STAM: variants seen among roughly 807,000 people sequenced by gnomAD.
The protein encoded by STAM is signal transducing adapter molecule 1.
STAM carries 16 observed loss-of-function variants against 63.4 expected under a neutral mutation model. That is an observed-to-expected ratio of 0.25 (90% CI 0.17 to 0.38). STAM has a LOEUF of 0.38. Ranked by LOEUF, STAM falls within the 10% of genes least tolerant of loss-of-function variation. The probability of loss-of-function intolerance (pLI) is 1.00; values close to 1 mark genes in which losing one functional copy is unlikely to be tolerated. For missense variants in STAM, 636 were observed against 657.1 expected, an observed-to-expected ratio of 0.97 and a Z score of 0.35; for synonymous variants, 238 against 223.9, an observed-to-expected ratio of 1.06 and a Z score of -0.56.
intron 1 of STAM, among the ~76,000 whole-genome samples, chr10:17,651,373 G>C (rs1353801515): frequency 6.6e-6 from 1 of 152,172 alleles, no homozygotes; most frequent in East Asian, 1.9e-4. Context: ...CAATGGATAC[G>C]TTTTAGCTCC....
intron 2 of STAM, 78 bp from the exon 3 acceptor site, chr10:17,684,597 C>T: frequency 8.9e-7 from 1 of 1,127,050 alleles, no homozygotes; most frequent in Non-Finnish European, 1.3e-6. Context: ...TTATCGTAGT[C>T]TTTTGTCTAT....
chr10:17,675,241 C>T lies in STAM; in HGVS notation c.126-9434C>T, dbSNP rs571221159. Among the ~76,000 whole-genome samples the T allele has an allele frequency of 6.2e-4, 95 of 152,270 alleles. 1 individual carries two copies. In the South Asian group the frequency reaches 6.4e-3, roughly 10 times the overall value. ...ATTTTTTGGCTGGGCACGTGGCTTA[C>T]GCCTGTAATTCCAGCCCTTTGGGAG... On this transcript the variant is annotated intron_variant, in intron 2 of 13. Coordinates refer to ENST00000377524, the MANE Select transcript of STAM (RefSeq NM_003473.4).
intron 2 of STAM, among the ~76,000 whole-genome samples, chr10:17,671,692 T>G (rs1834646332): frequency 6.6e-6 from 1 of 152,220 alleles, no homozygotes; most frequent in Non-Finnish European, 1.5e-5. Flanking sequence ...CATAGGTTAT[T>G]AGAGGTTAAC....
intron 2 of STAM, among the ~76,000 whole-genome samples, chr10:17,675,110 G>T (rs1033331750): frequency 2.0e-5 from 3 of 152,220 alleles, no homozygotes; most frequent in African/African-American, 7.2e-5. Context: ...AGGTAGTCAT[G>T]AAGATTTTCT....
At chr10:17,703,001 T>A in intron 9 of STAM, among the ~76,000 whole-genome samples, 1 of 89,114 alleles carries the variant, frequency 1.1e-5, no homozygotes, top group Non-Finnish European at 2.0e-5. Context: ...AGAGTAAGAC[T>A]CCATCTCAAA....
At chr10:17,706,000 C>T (rs377739589) in intron 12 of STAM, among the ~76,000 whole-genome samples, 5 of 151,842 alleles carry the variant, frequency 3.3e-5, no homozygotes, top group African/African-American at 9.7e-5. Flanking sequence ...CCCAGAAGGT[C>T]GAGGCTGCAG....
chr10:17,704,853 A>C (rs1836183709), intron 10 of STAM, 117 bp from the exon 11 acceptor site: 4 of 882,950 alleles, frequency 4.5e-6, no homozygotes, highest in Non-Finnish European at 6.9e-6. Flanking sequence ...TAAAGAATGT[A>C]TATTTTTATT....
intron 1 of STAM, among the ~76,000 whole-genome samples, chr10:17,655,960 C>G (rs1381652375): frequency 1.3e-5 from 2 of 151,758 alleles, no homozygotes; most frequent in Non-Finnish European, 2.9e-5. Flanking sequence ...TTCTTTTTCT[C>G]TTAAGTTGCT....
At position 17,708,868 on chromosome 10, in the gene STAM, G is replaced by A; in HGVS notation, c.1302G>A (p.Gln434=). The A allele has an allele frequency of 6.2e-7, 1 of 1,614,192 alleles. No individual in the cohort carries two copies. Among genetic ancestry groups the A allele is most frequent in the South Asian group, 1.1e-5 (1 of 91,084 alleles). ...HLQSYSLPPE[Q]LSSLSQAVVP... ...AGAGCTACAGTCTTCCCCCGGAGCAGCTGTCTTCTCTCAGCCAGGCAGTGG... is the reference window on the plus strand; with the variant it reads ...AGAGCTACAGTCTTCCCCCGGAGCAACTGTCTTCTCTCAGCCAGGCAGTGG... The change falls in exon 13 of 14, where the codon CAG becomes CAA. Residue 434 remains glutamine (Q), a synonymous_variant. Coordinates refer to ENST00000377524, the MANE Select transcript of STAM (RefSeq NM_003473.4).
At chr10:17,652,843 G>A (rs1195574992) in intron 1 of STAM, among the ~76,000 whole-genome samples, 1 of 152,142 alleles carries the variant, frequency 6.6e-6, no homozygotes, top group Admixed American at 6.5e-5. Flanking sequence ...AGCAGGCTCT[G>A]GGACTCCTCA....
In STAM at chr10:17,644,357, C is replaced by T. The variant is rs781927022; in HGVS notation, c.18C>T (p.Thr6=). The T allele has an allele frequency of 1.2e-6, 2 of 1,614,162 alleles. No homozygotes were observed. The highest frequency in any genetic ancestry group is 2.2e-5 in the South Asian group (2 of 91,078). The change falls in exon 1 of 14, where the codon ACC becomes ACT. Residue 6 remains threonine (T), a synonymous_variant. Coordinates refer to ENST00000377524, the MANE Select transcript of STAM (RefSeq NM_003473.4). ...CAGCGGAGATGCCTCTTTTTGCCAC[C>T]AATCCCTTCGATCAGGATGTTGGTA... The part of the protein sequence containing the change: MPLFA[T]NPFDQDVEKA...
rs887744951 is a variant in STAM, at chr10:17,684,376, C to T, written c.126-299C>T. On this transcript the variant is annotated intron_variant, in intron 2 of 13. Coordinates refer to ENST00000377524, the MANE Select transcript of STAM (RefSeq NM_003473.4). ...AGTGTAAGTCTGGTCTGTTTTTCCA[C>T]CCTGGCTGGAAGTGGAAGTCATGGC... 5.9e-5 allele frequency among the ~76,000 whole-genome samples: 9 copies of T among 152,074 alleles called. No homozygotes were observed. In the East Asian group the frequency reaches 9.7e-4, roughly 16 times the overall value.
At chr10:17,709,081 G>A in intron 13 of STAM, 130 bp downstream of exon 13, 1 of 1,075,826 alleles carries the variant, frequency 9.3e-7, no homozygotes, top group East Asian at 2.6e-5. Flanking sequence ...CCCCATTTGT[G>A]CTAATGAGTG....
In STAM at chr10:17,660,226, A is replaced by G. The variant is rs111456620; in HGVS notation, c.41-238A>G. 4.8e-3 allele frequency among the ~76,000 whole-genome samples: 734 copies of G among 152,304 alleles called. 7 individuals carry two copies. Among genetic ancestry groups the G allele is most frequent in the African/African-American group, 0.016 (655 of 41,560 alleles). ...ATAATTTTTTTATAAAGAAAAATCA[A>G]TGCCTTTTATTTTATACTAAGTAAA... On this transcript the variant is annotated intron_variant, in intron 1 of 13. Coordinates refer to ENST00000377524, the MANE Select transcript of STAM (RefSeq NM_003473.4).
intron 7 of STAM, chr10:17,695,695 A>AT (rs1409186962): frequency 7.9e-5 from 12 of 152,382 alleles, no homozygotes; most frequent in African/African-American, 2.9e-4. Flanking sequence ...GCATCAGTTT[A>AT]TTTTTTTACT....
At chr10:17,710,553 A>C (rs1277700881) in intron 13 of STAM, among the ~76,000 whole-genome samples, 2 of 152,088 alleles carry the variant, frequency 1.3e-5, no homozygotes, top group African/African-American at 4.8e-5. Context: ...CTGCATTTTT[A>C]CTGGGACATC....
chr10:17,711,387 T>A (rs1224669134), intron 13 of STAM, among the ~76,000 whole-genome samples: 2 of 152,218 alleles, frequency 1.3e-5, no homozygotes, highest in Non-Finnish European at 2.9e-5. Context: ...CTGATTTTAG[T>A]TTACTACAGT....
At chr10:17,712,375 T>C (rs1331117624) in intron 13 of STAM, among the ~76,000 whole-genome samples, 2 of 152,214 alleles carry the variant, frequency 1.3e-5, no homozygotes, top group African/African-American at 4.8e-5. Flanking sequence ...TCAATAATAG[T>C]ATGAAATTTG....
At chr10:17,706,515 A>T (rs966716643) in intron 12 of STAM, among the ~76,000 whole-genome samples, 3 of 151,164 alleles carry the variant, frequency 2.0e-5, no homozygotes, top group Non-Finnish European at 2.9e-5. Flanking sequence ...AGTAGCTGGG[A>T]CTACAGGCGC....
Sources: gnomAD v4.1 joint callset for allele counts (sites outside exome capture counted in the v4.1 genomes callset) on GRCh38, gnomAD v4.1.1 for gene constraint, MANE v1.5 for transcripts, NCBI Gene and HGNC (gene_info 2026-07-23, HGNC 2026-07-21) for gene names.